SYT9: variants seen among roughly 807,000 people sequenced by gnomAD.
SYT9 encodes the protein synaptotagmin 9.
SYT9 carries 22 observed loss-of-function variants against 48.4 expected under a neutral mutation model. That is an observed-to-expected ratio of 0.45 (90% CI 0.32 to 0.65). The LOEUF (loss-of-function observed/expected upper bound fraction) is 0.65. Ranked by LOEUF, SYT9 falls within the 30% of genes least tolerant of loss-of-function variation. The pLI is 0.03. For synonymous variants in SYT9, 265 were observed against 245.0 expected (o/e 1.08, Z -0.76); for missense variants, 577 against 622.0 (o/e 0.93, Z 0.77).
rs201882696 is a variant in SYT9, at chr11:7,241,255, C to CA, written c.49+2339_49+2340insA. 5.5e-3 allele frequency among the ~76,000 whole-genome samples: 826 copies of CA among 151,260 alleles called. 10 individuals are homozygous for CA. Among genetic ancestry groups the CA allele is most frequent in the African/African-American group, 0.016 (677 of 41,206 alleles). ...ACACACACGCACACACTCACCCCCC[C>CA]CACACACAGCACATATCTTAGAGAT... On this transcript the variant is annotated intron_variant and NMD_transcript_variant, in intron 1 of 8. Transcript: ENST00000524820.
At chr11:7,458,463 A>G (rs1232399202) in intron 6 of SYT9, among the ~76,000 whole-genome samples, 2 of 151,224 alleles carry the variant, frequency 1.3e-5, no homozygotes, top group African/African-American at 4.9e-5. Context: ...CCTGGGCAAC[A>G]AGAGTGAGAC....
chr11:7,323,673 T>C (rs1433666984), intron 3 of SYT9, among the ~76,000 whole-genome samples: 1 of 152,048 alleles, frequency 6.6e-6, no homozygotes. Flanking sequence ...TTGTTCCTTT[T>C]ATCTTTTAAA....
chr11:7,415,988 T>G, intron 3 of SYT9, 54 bp from the exon 4 acceptor site: 1 of 1,612,124 alleles, frequency 6.2e-7, no homozygotes, highest in Non-Finnish European at 8.5e-7. Flanking sequence ...CTGAGCCTCT[T>G]GCACACCAGG....
At chr11:7,462,071 A>T (rs1203137309) in intron 6 of SYT9, among the ~76,000 whole-genome samples, 6 of 151,230 alleles carry the variant, frequency 4.0e-5, no homozygotes, top group Admixed American at 1.3e-4. Flanking sequence ...TGGACTAAGA[A>T]TCCTTTCTAG....
intron 3 of SYT9, among the ~76,000 whole-genome samples, chr11:7,329,939 C>T (rs1849498046): frequency 6.6e-6 from 1 of 152,058 alleles, no homozygotes; most frequent in Non-Finnish European, 1.5e-5. Flanking sequence ...GGAGGTGATT[C>T]CACAGCTCAA....
At chr11:7,382,861 C>T (rs1466194846) in intron 3 of SYT9, among the ~76,000 whole-genome samples, 2 of 152,212 alleles carry the variant, frequency 1.3e-5, no homozygotes, top group East Asian at 3.8e-4. Flanking sequence ...ATCCCAGACC[C>T]TTCCCATCCC....
chr11:7,346,381 G>C (rs1317958888), intron 3 of SYT9, among the ~76,000 whole-genome samples: 2 of 152,232 alleles, frequency 1.3e-5, no homozygotes, highest in Non-Finnish European at 2.9e-5. Flanking sequence ...CGGATGGCAC[G>C]AATGGATGGG....
chr11:7,243,891 A>G (rs1847766094), intron 1 of SYT9, among the ~76,000 whole-genome samples: 1 of 152,158 alleles, frequency 6.6e-6, no homozygotes, highest in South Asian at 2.1e-4. Context: ...AGACCTGCCC[A>G]GGATGAGAGT....
intron 4 of SYT9, 129 bp downstream of exon 4, chr11:7,416,291 C>G: frequency 9.2e-7 from 1 of 1,089,740 alleles, no homozygotes; most frequent in African/African-American, 1.6e-5. Context: ...CTAGTCCTAA[C>G]ACCTGTGTGA....
At chr11:7,348,013 G>A (rs1226860538) in intron 3 of SYT9, among the ~76,000 whole-genome samples, 1 of 152,156 alleles carries the variant, frequency 6.6e-6, no homozygotes, top group East Asian at 1.9e-4. Context: ...AGGGGAAGGG[G>A]GAGACATCCT....
chr11:7,379,446 A>G (rs1311701252), intron 3 of SYT9, among the ~76,000 whole-genome samples: 1 of 152,044 alleles, frequency 6.6e-6, no homozygotes, highest in Admixed American at 6.6e-5. Context: ...CTGGTCTCTC[A>G]GTCTCCGTAT....
intron 3 of SYT9, among the ~76,000 whole-genome samples, chr11:7,333,634 G>A (rs564041952): frequency 1.4e-4 from 21 of 152,292 alleles, no homozygotes; most frequent in African/African-American, 4.6e-4. Context: ...ATGCTTACCA[G>A]TTTGAGACCT....
intron 3 of SYT9, among the ~76,000 whole-genome samples, chr11:7,386,505 C>A (rs1850661402): frequency 6.6e-6 from 1 of 152,000 alleles, no homozygotes; most frequent in Admixed American, 6.6e-5. Flanking sequence ...ACAGACACTT[C>A]TCAAAAGAAG....
At chr11:7,404,672 C>CT (rs888056351) in intron 3 of SYT9, among the ~76,000 whole-genome samples, 17 of 152,236 alleles carry the variant, frequency 1.1e-4, no homozygotes, top group African/African-American at 3.4e-4. Context: ...AGAGAGGACT[C>CT]TAAGTGGTCC....
At chr11:7,415,059 A>G (rs1847213502) in intron 3 of SYT9, among the ~76,000 whole-genome samples, 1 of 152,196 alleles carries the variant, frequency 6.6e-6, no homozygotes, top group South Asian at 2.1e-4. Context: ...CTTCTGACCT[A>G]TCTGAATGGC....
chr11:7,441,391 C>T (rs1283220843), intron 6 of SYT9: 1 of 152,202 alleles, frequency 6.6e-6, no homozygotes, highest in African/African-American at 2.4e-5. Context: ...AAAGTGAAAA[C>T]TTCTCCAGTT....
intron 1 of SYT9, among the ~76,000 whole-genome samples, chr11:7,263,498 G>C (rs923985138): frequency 6.6e-6 from 1 of 152,154 alleles, no homozygotes; most frequent in Non-Finnish European, 1.5e-5. Context: ...TTACCAAGGG[G>C]TGAATAAAAA....
intron 1 of SYT9, among the ~76,000 whole-genome samples, chr11:7,267,703 A>G (rs985853110): frequency 2.6e-5 from 4 of 151,952 alleles, no homozygotes; most frequent in Admixed American, 6.6e-5. Flanking sequence ...TCAAAAGAGA[A>G]AAAAAAATAA....
chr11:7,401,132 A>C (rs1226903862), intron 3 of SYT9, among the ~76,000 whole-genome samples: 2 of 152,084 alleles, frequency 1.3e-5, no homozygotes, highest in Admixed American at 1.3e-4. Context: ...ATCTGAGGTA[A>C]TGACATCTTT....
Sources: allele counts gnomAD v4.1 joint callset (sites outside exome capture counted in the v4.1 genomes callset), GRCh38; gene constraint gnomAD v4.1.1; transcripts MANE v1.5; gene names NCBI Gene and HGNC (gene_info 2026-07-23, HGNC 2026-07-21).